UBAP2L: variants seen among roughly 807,000 people sequenced by gnomAD.
The protein encoded by UBAP2L is ubiquitin associated protein 2 like.
Under a neutral mutation model 130.6 loss-of-function variants are expected in UBAP2L, and 12 were observed. The ratio of observed to expected loss-of-function variants is 0.09; its 90% CI spans 0.06 to 0.15. The LOEUF (loss-of-function observed/expected upper bound fraction) is 0.15. Ranked by LOEUF, UBAP2L falls within the 10% of genes least tolerant of loss-of-function variation. UBAP2L has a pLI of 1.00. For missense variants in UBAP2L, 965 were observed against 1,332.5 expected, an observed-to-expected ratio of 0.72 and a Z score of 4.29; for synonymous variants, 503 against 524.7, an observed-to-expected ratio of 0.96 and a Z score of 0.57.
intron 2 of UBAP2L, among the ~76,000 whole-genome samples, chr1:154,226,625 AAG>A (rs1414064304): frequency 6.6e-6 from 1 of 152,224 alleles, no homozygotes; most frequent in Non-Finnish European, 1.5e-5. Context: ...CTCTAGGAAT[AAG>A]AGGATGGCGT....
intron 3 of UBAP2L, among the ~76,000 whole-genome samples, 180 bp downstream of exon 3, chr1:154,227,539 C>G (rs755265213): frequency 2.7e-5 from 4 of 149,872 alleles, no homozygotes; most frequent in Non-Finnish European, 5.9e-5. Flanking sequence ...TTTTGTAGCC[C>G]TTTGTTTTGT....
chr1:154,245,515 A>G (rs952705862), intron 10 of UBAP2L, among the ~76,000 whole-genome samples: 3 of 152,172 alleles, frequency 2.0e-5, no homozygotes, highest in African/African-American at 7.2e-5. Flanking sequence ...GTTCTGGTAT[A>G]TGATTTTCTG....
At chr1:154,228,119 G>A (rs928985513) in intron 3 of UBAP2L, among the ~76,000 whole-genome samples, 1 of 151,948 alleles carries the variant, frequency 6.6e-6, no homozygotes, top group South Asian at 2.1e-4. Flanking sequence ...CCTTTTTGGC[G>A]GGGGTTGGGG....
chr1:154,225,579 C>T (rs1472181569), intron 2 of UBAP2L, among the ~76,000 whole-genome samples: 1 of 152,082 alleles, frequency 6.6e-6, no homozygotes, highest in Admixed American at 6.6e-5. Flanking sequence ...AAGTGATCCT[C>T]CCGCCTCAGC....
upstream of UBAP2L, chr1:154,220,585 A>G (rs1458120781): frequency 6.2e-6 from 4 of 641,406 alleles, no homozygotes; most frequent in African/African-American, 1.8e-5. Flanking sequence ...AGAGCTGGGA[A>G]AGGAGAACGA....
chr1:154,251,005 C>T (rs1453481597), intron 12 of UBAP2L, 36 bp from the exon 13 acceptor site: 2 of 1,571,518 alleles, frequency 1.3e-6, no homozygotes, highest in Non-Finnish European at 1.7e-6. Flanking sequence ...GATTCATTAG[C>T]ATCTCTGGCT....
At chr1:154,229,282 T>C (rs776782719) in intron 4 of UBAP2L, among the ~76,000 whole-genome samples, 5 of 152,032 alleles carry the variant, frequency 3.3e-5, no homozygotes, top group Admixed American at 6.6e-5. Flanking sequence ...ATAGGGGATA[T>C]CTTGGAGGAT....
In UBAP2L at chr1:154,249,267, A is replaced by G; in HGVS notation, c.1043A>G (p.Asp348Gly). The G allele has an allele frequency of 6.2e-7, 1 of 1,614,090 alleles. No homozygotes were observed. Among genetic ancestry groups the G allele is most frequent in the Non-Finnish European group, 8.5e-7 (1 of 1,180,024 alleles). Residue 348 changes from aspartate (D) to glycine (G), a missense_variant, in exon 12 of 27, where the codon GAT becomes GGT. By Grantham distance (94) the Asp-to-Gly change is moderately conservative (BLOSUM62 -1). Around this residue, in one of 9 missense-constraint regions of UBAP2L, gnomAD observed 99 missense variants for 106.4 expected, o/e 0.93. Coordinates refer to ENST00000428931, the MANE Select transcript of UBAP2L (RefSeq NM_014847.4). ...MVSMLGKGFG[D>G]VGEAKGGSTT... ...AGCATGTTAGGGAAAGGATTTGGTG[A>G]TGTCGGTGAAGCTAAAGGCGGCAGT... is the stretch of plus-strand genomic sequence containing the variant.
At chr1:154,253,159 A>G (rs1678383893) in intron 14 of UBAP2L, among the ~76,000 whole-genome samples, 1 of 151,862 alleles carries the variant, frequency 6.6e-6, no homozygotes, top group Non-Finnish European at 1.5e-5. Context: ...GCCCACCACC[A>G]TGCCTGGCTA....
chr1:154,259,888 G>C, intron 21 of UBAP2L, 60 bp from the exon 22 acceptor site: 1 of 1,501,976 alleles, frequency 6.7e-7, no homozygotes, highest in Admixed American at 1.7e-5. Context: ...CGTGGAAATA[G>C]TACTCATGCT....
intron 10 of UBAP2L, among the ~76,000 whole-genome samples, chr1:154,244,331 T>C (rs1339142378): frequency 2.0e-5 from 3 of 152,170 alleles, no homozygotes; most frequent in African/African-American, 7.2e-5. Flanking sequence ...GATAACTCAC[T>C]AGAATGACTG....
intron 4 of UBAP2L, 133 bp downstream of exon 4, chr1:154,228,858 G>A: frequency 1.8e-6 from 1 of 560,326 alleles, no homozygotes; most frequent in Non-Finnish European, 3.1e-6. Context: ...AACTTTCTTG[G>A]AGATTGTTCA....
chr1:154,260,151 A>T, intron 22 of UBAP2L, 122 bp downstream of exon 22: 1 of 1,052,842 alleles, frequency 9.5e-7, no homozygotes, highest in Non-Finnish European at 1.4e-6. Flanking sequence ...AAATCCTGCT[A>T]AAGTTGGGCA....
chr1:154,267,746 A>G (rs1683708550), intron 25 of UBAP2L, among the ~76,000 whole-genome samples: 1 of 151,754 alleles, frequency 6.6e-6, no homozygotes, highest in South Asian at 2.1e-4. Flanking sequence ...CACCCGCCTT[A>G]GCCTCCCAAA....
rs771916658 is a variant in UBAP2L, at chr1:154,268,875, C to G, written c.3089C>G (p.Ala1030Gly). 14 of 1,606,564 alleles carry G rather than the reference C, an allele frequency of 8.7e-6. No homozygotes were observed. The highest frequency in any genetic ancestry group is 4.3e-6 in the Non-Finnish European group (5 of 1,175,178). ...NPATAAAYPPAPFMHILTPHQ... is the reference protein window; with the variant it reads ...NPATAAAYPPGPFMHILTPHQ... ...GCCACAGCTGCTGCCTACCCACCTGCCCCCTTTATGCACATTCTGACCCCC... is the reference window on the plus strand; with the variant it reads ...GCCACAGCTGCTGCCTACCCACCTGGCCCCTTTATGCACATTCTGACCCCC... Residue 1030 changes from alanine (A) to glycine (G), a missense_variant, in exon 26 of 27, where the codon GCC becomes GGC. By Grantham distance (60) the Ala-to-Gly change is moderately conservative. Around this residue, in one of 9 missense-constraint regions of UBAP2L, gnomAD observed 194 missense variants for 334.0 expected, o/e 0.58. Transcript: ENST00000428931.
intron 10 of UBAP2L, among the ~76,000 whole-genome samples, chr1:154,244,795 CTTATTG>C (rs1674806691): frequency 6.6e-6 from 1 of 152,162 alleles, no homozygotes; most frequent in African/African-American, 2.4e-5. Context: ...CTCTCCAAAT[CTTATTG>C]TTATGAGTTT....
chr1:154,225,933 C>G (rs192055136), intron 2 of UBAP2L, among the ~76,000 whole-genome samples: 1 of 152,344 alleles, frequency 6.6e-6, no homozygotes, highest in Admixed American at 6.5e-5. Context: ...CCTGCCTCAG[C>G]TTTCTGAGTA....
At chr1:154,266,672 G>T in intron 25 of UBAP2L, 104 bp downstream of exon 25, 1 of 1,206,506 alleles carries the variant, frequency 8.3e-7, no homozygotes, top group Non-Finnish European at 1.2e-6. Context: ...TAGGAGAGGT[G>T]GCAGGAAACC....
chr1:154,253,197 T>G (rs762436213), intron 14 of UBAP2L, among the ~76,000 whole-genome samples: 1 of 151,716 alleles, frequency 6.6e-6, no homozygotes, highest in Non-Finnish European at 1.5e-5. Flanking sequence ...AGAGACAAGG[T>G]TTCGCCATGT....
Sources: allele counts gnomAD v4.1 joint callset (sites outside exome capture counted in the v4.1 genomes callset), GRCh38; gene constraint gnomAD v4.1.1; regional missense constraint gnomAD v4.1.1; transcripts MANE v1.5; gene names NCBI Gene and HGNC (gene_info 2026-07-23, HGNC 2026-07-21).